Variants in RNF213 observed in about 807,000 individuals in gnomAD.
RNF213 encodes the protein E3 ubiquitin-protein ligase RNF213.
RNF213 carries 341 observed loss-of-function variants against 514.4 expected under a neutral mutation model. The ratio of observed to expected loss-of-function variants is 0.66; its 90% CI spans 0.61 to 0.73. The LOEUF is 0.73. Ranked by LOEUF, RNF213 falls within the 30% of genes least tolerant of loss-of-function variation. RNF213 has a pLI of 0.00. For synonymous variants in RNF213, 2,655 were observed against 2,658.2 expected (o/e 1.00, Z 0.04); for missense variants, 5,767 against 6,615.6 (o/e 0.87, Z 4.45).
In RNF213 at chr17:80,343,334, C is replaced by A. The variant is rs766089693; in HGVS notation, c.6183+9C>A. 1 of 1,609,540 alleles carries A rather than the reference C, an allele frequency of 6.2e-7. No individual in the cohort carries two copies. Among genetic ancestry groups the A allele is most frequent in the South Asian group, 1.1e-5 (1 of 90,590 alleles). On this transcript the variant is annotated intron_variant, in intron 27 of 67. Coordinates refer to ENST00000582970, the MANE Select transcript of RNF213 (RefSeq NM_001256071.3). The surrounding 1 kb of genome is among the most constrained non-coding windows in gnomAD (Gnocchi z 4.3). ...TGGACGTGACCTCCTCAGTAAGTGC[C>A]CTCCAGCGTCAGCCGATGGCCACAT...
chr17:80,285,731 C>T (rs1463592798), intron 3 of RNF213, among the ~76,000 whole-genome samples: 9 of 150,472 alleles, frequency 6.0e-5, no homozygotes, highest in South Asian at 4.3e-4. Context: ...AGTGCAGTTG[C>T]GTAATATCGG....
rs2078388884 is a variant in RNF213, at chr17:80,348,410, C to A, written c.9951+124C>A. The A allele has an allele frequency of 5.9e-6, 8 of 1,358,194 alleles. No individual in the cohort carries two copies. The Admixed American group carries it at 1.4e-4, about 23-fold the overall frequency. The allele number at this position is 1,358,194 out of a possible 1,614,324, so 84.1% of individuals were successfully genotyped here. A position where few individuals can be genotyped will look rare whatever the true frequency, so the allele number is the denominator to read the frequency against. ...GATCCTGCAGGGAGATGCTGAGACG[C>A]TGAGCTCTCCTCCGCGGTAAGTGTG... On this transcript the variant is annotated intron_variant, in intron 29 of 67. Transcript: ENST00000582970.
intron 43 of RNF213, 47 bp downstream of exon 43, chr17:80,367,895 TC>T: frequency 6.2e-7 from 1 of 1,613,546 alleles, no homozygotes; most frequent in African/African-American, 1.3e-5. Context: ...TCTGAACCTC[TC>T]GTGGTTTTCA....
In RNF213 at chr17:80,316,979, G is replaced by C. The variant is rs546878597; in HGVS notation, c.2812-209G>C. ...GTAGGAGGACCAGTAGTGGCCCCTG[G>C]TTGGGTCTCTGATTCTAGAAAGCCA... On this transcript the variant is annotated intron_variant, in intron 15 of 67. Coordinates refer to ENST00000582970, the MANE Select transcript of RNF213 (RefSeq NM_001256071.3). 6.6e-5 allele frequency among the ~76,000 whole-genome samples: 10 copies of C among 152,370 alleles called. No individual in the cohort carries two copies. The East Asian group carries it at 1.7e-3, about 26-fold the overall frequency.
At chr17:80,363,362 A>C (rs773851265) in intron 40 of RNF213, 48 bp downstream of exon 40, 8 of 1,564,050 alleles carry the variant, frequency 5.1e-6, no homozygotes, top group African/African-American at 4.1e-5. Context: ...GGTGCTTCCA[A>C]CTCCACTCTG....
chr17:80,308,711 T>C (rs549404022), intron 13 of RNF213, among the ~76,000 whole-genome samples: 56 of 152,366 alleles, frequency 3.7e-4, no homozygotes, highest in Non-Finnish European at 6.8e-4. Context: ...ATTTATGTCA[T>C]ATTTTAATGT....
chr17:80,323,735 A>G (rs1218298866), intron 17 of RNF213, among the ~76,000 whole-genome samples: 1 of 151,632 alleles, frequency 6.6e-6, no homozygotes, highest in African/African-American at 2.4e-5. Flanking sequence ...GATTACAGGC[A>G]TGAGCCACCA....
intron 42 of RNF213, among the ~76,000 whole-genome samples, chr17:80,366,786 T>C (rs1599146604): frequency 6.6e-6 from 1 of 152,228 alleles, no homozygotes; most frequent in East Asian, 1.9e-4. Flanking sequence ...AGAAATACCC[T>C]TGTCAAACTT....
At chr17:80,378,876 T>A (rs1047790253) in intron 54 of RNF213, among the ~76,000 whole-genome samples, 4 of 152,168 alleles carry the variant, frequency 2.6e-5, no homozygotes, top group Non-Finnish European at 4.4e-5. Context: ...TAGATTTTTT[T>A]AAATAAAAAA....
In RNF213 at chr17:80,377,675, C is replaced by CT; in HGVS notation, c.13511-87_13511-86insT. The CT allele has an allele frequency of 1.4e-6, 2 of 1,464,178 alleles. No individual in the cohort carries two copies. The highest frequency in any genetic ancestry group is 1.9e-6 in the Non-Finnish European group (2 of 1,043,192). The allele number at this position is 1,464,178 out of a possible 1,614,324, so 90.7% of individuals were successfully genotyped here. A position where few individuals can be genotyped will look rare whatever the true frequency, so the allele number is the denominator to read the frequency against. On this transcript the variant is annotated intron_variant, in intron 53 of 67. Coordinates refer to ENST00000582970, the MANE Select transcript of RNF213 (RefSeq NM_001256071.3). The surrounding 1 kb of genome is among the most constrained non-coding windows in gnomAD (Gnocchi z 4.1). ...GTCATTCTCATATTGTGGTCAGGGC[C>CT]AGAGAGTAGAGAGTTAGCTTTCCCT... is the stretch of plus-strand genomic sequence containing the variant.
chr17:80,363,599 G>T lies in RNF213; in HGVS notation c.11569-10G>T, dbSNP rs773931178. 1.2e-5 allele frequency: 19 copies of T among 1,612,928 alleles called. No individual in the cohort carries two copies. The South Asian group carries it at 1.9e-4, about 16-fold the overall frequency. On this transcript the variant is annotated splice_polypyrimidine_tract_variant and intron_variant, in intron 40 of 67. Transcript: ENST00000582970. ...ACCGCTCAGCCACGCCCTGCTGTCC[G>T]TCTCCCCAGACCCTGGACGCATTTG...
At chr17:80,286,584 T>C (rs963395671) in intron 3 of RNF213, among the ~76,000 whole-genome samples, 1 of 152,088 alleles carries the variant, frequency 6.6e-6, no homozygotes, top group Admixed American at 6.5e-5. Context: ...CCTGTGGCGC[T>C]TCCTCATCCC....
chr17:80,290,537 G>A (rs754320594), intron 6 of RNF213, 33 bp from the exon 7 acceptor site: 15 of 1,612,444 alleles, frequency 9.3e-6, no homozygotes, highest in South Asian at 7.7e-5. Context: ...CAGATCTCAC[G>A]GGAATCAGAT....
At position 80,358,401 on chromosome 17, in the gene RNF213, C is replaced by T. The variant is rs2078913176; in HGVS notation, c.10976C>T (p.Pro3659Leu). 1.9e-6 allele frequency: 3 copies of T among 1,613,974 alleles called. No homozygotes were observed. The highest frequency in any genetic ancestry group is 2.2e-5 in the South Asian group (2 of 91,080). Residue 3659 changes from proline to leucine, a missense_variant, in exon 37 of 68, where the codon CCC (proline) becomes CTC (leucine). Physicochemically the swap from Pro to Leu is moderately conservative, Grantham distance 98. Transcript: ENST00000582970. ...TTACTGACCAGGCCAGATACTCCGC[C>T]CTGGGCAAGAGATCTTTGGATGTTT... Reference protein sequence around the residue: ...LELLTRPDTPPWARDLWMFIF... With the variant: ...LELLTRPDTPLWARDLWMFIF...
intron 16 of RNF213, among the ~76,000 whole-genome samples, chr17:80,318,644 G>A (rs564334514): frequency 1.0e-3 from 155 of 152,238 alleles, no homozygotes; most frequent in African/African-American, 3.1e-3. Context: ...CGGGATCTCG[G>A]CTCACTGCAA....
chr17:80,369,564 T>G lies in RNF213; in HGVS notation c.12218T>G (p.Val4073Gly). 1 of 1,614,232 alleles carries G rather than the reference T, an allele frequency of 6.2e-7. No homozygotes were observed. The highest frequency in any genetic ancestry group is 8.5e-7 in the Non-Finnish European group (1 of 1,180,040). The change falls in exon 45 of 68, where the codon GTG (valine) becomes GGG (glycine). Residue 4073 changes from valine to glycine, a missense_variant. Around this residue, in one of 13 missense-constraint regions of RNF213, gnomAD observed 93 missense variants for 95.6 expected, o/e 0.97. Transcript: ENST00000582970. ...TGCAACAGTTTCTTCGTAGACCTGGTGTCCACCATTTGCTTCAAGGACAAC... is the reference window on the plus strand; with the variant it reads ...TGCAACAGTTTCTTCGTAGACCTGGGGTCCACCATTTGCTTCAAGGACAAC... ...QMCNSFFVDLVSTICFKDNAP... is the reference protein window; with the variant it reads ...QMCNSFFVDLGSTICFKDNAP...
intron 58 of RNF213, 67 bp from the exon 59 acceptor site, chr17:80,383,610 G>A: frequency 6.5e-7 from 1 of 1,545,726 alleles, no homozygotes; most frequent in South Asian, 1.1e-5. Context: ...TGGAGTTACT[G>A]GGTGTTACAA....
chr17:80,331,538 T>G lies in RNF213; in HGVS notation c.3518-468T>G, dbSNP rs2046416898. On this transcript the variant is annotated intron_variant, in intron 20 of 67. Transcript: ENST00000582970. Reference sequence around the variant, plus strand: ...TGAGTAGCTGGGATTACAGGTGCGCTCCACCACGCCTGGCTAATTTTTGTA... The same window carrying G: ...TGAGTAGCTGGGATTACAGGTGCGCGCCACCACGCCTGGCTAATTTTTGTA... Among the ~76,000 whole-genome samples, 6 of 151,852 alleles carry G rather than the reference T, an allele frequency of 4.0e-5. No individual in the cohort carries two copies. The South Asian group carries it at 1.3e-3, about 32-fold the overall frequency.
rs1049455909 is a variant in RNF213 at position 80,347,033 on chromosome 17, G to A, written c.8698G>A (p.Val2900Met). The change falls in exon 29 of 68, where the codon GTG becomes ATG. Residue 2900 changes from valine (V) to methionine (M), a missense_variant. Val to Met is a conservative substitution (Grantham distance 21). Transcript: ENST00000582970. The surrounding 1 kb of genome is among the most constrained non-coding windows in gnomAD (Gnocchi z 7.2). ...DPAKMNRGIF[V>M]SRGSPNETEL... is the part of the protein sequence containing the mutation. ...TGCCAAGATGAACCGGGGCATTTTT[G>A]TGTCACGTGGCAGCCCCAACGAGAC... 2 of 1,613,908 alleles carry A rather than the reference G, an allele frequency of 1.2e-6. No homozygotes were observed.
Sources: gnomAD v4.1 joint callset for allele counts (sites outside exome capture counted in the v4.1 genomes callset) on GRCh38, gnomAD v4.1.1 for gene constraint, gnomAD v4.1.1 regional missense constraint, Gnocchi (gnomAD v3.1) non-coding constraint, MANE v1.5 for transcripts, NCBI Gene and HGNC (gene_info 2026-07-23, HGNC 2026-07-21) for gene names.